Variants in CAST observed in about 807,000 individuals in gnomAD.
CAST encodes MIR583 host.
Under a neutral mutation model 119.6 loss-of-function variants are expected in CAST, and 76 were observed. That is an observed-to-expected ratio of 0.64 (90% CI 0.53 to 0.77). The LOEUF (loss-of-function observed/expected upper bound fraction) is 0.77, where lower values mean the gene tolerates loss of function less well. Ranked by LOEUF, CAST falls within the 30% of genes least tolerant of loss-of-function variation. The pLI, the probability that CAST is intolerant of heterozygous loss-of-function variation, is 0.00. For missense variants in CAST, 953 were observed against 946.5 expected, an observed-to-expected ratio of 1.01 and a Z score of -0.09; for synonymous variants, 319 against 331.6, an observed-to-expected ratio of 0.96 and a Z score of 0.41.
chr5:95,987,878 G>T, the CAST span, among the ~76,000 whole-genome samples: 1 of 152,176 alleles, frequency 6.6e-6, no homozygotes, highest in Non-Finnish European at 1.5e-5. Context: ...CACATTTAAA[G>T]TGCTCAGCAG....
At chr5:96,499,029 G>GAAAAAAAA in the CAST span, among the ~76,000 whole-genome samples, 1 of 109,736 alleles carries the variant, frequency 9.1e-6, no homozygotes, top group Non-Finnish European at 2.0e-5. Flanking sequence ...CATTGTGCAG[G>GAAAAAAAA]AAAAAAAAAA....
chr5:96,341,164 T>A, the CAST span, among the ~76,000 whole-genome samples: 2 of 152,220 alleles, frequency 1.3e-5, no homozygotes, highest in Non-Finnish European at 2.9e-5. Flanking sequence ...AGGAATTATT[T>A]GCACTTTAAT....
At chr5:96,700,470 A>G (rs1753745221) in intron 3 of CAST, among the ~76,000 whole-genome samples, 1 of 152,206 alleles carries the variant, frequency 6.6e-6, no homozygotes, top group African/African-American at 2.4e-5. Context: ...AATGTACATA[A>G]TGAGTCAGTG....
At chr5:96,559,603 G>A (rs532601117) in intron 1 of CAST, among the ~76,000 whole-genome samples, 103 of 152,186 alleles carry the variant, frequency 6.8e-4, no homozygotes, top group African/African-American at 2.3e-3. Context: ...TCCCATTCAC[G>A]ATTGCTTCAA....
chr5:96,566,280 T>C (rs931941165), intron 1 of CAST, among the ~76,000 whole-genome samples: 1 of 152,224 alleles, frequency 6.6e-6, no homozygotes, highest in South Asian at 2.1e-4. Context: ...TTGGAATTTG[T>C]CTGAATCATA....
At chr5:96,379,687 T>A in the CAST span, 1 of 152,206 alleles carries the variant, frequency 6.6e-6, no homozygotes, top group Non-Finnish European at 1.5e-5. Context: ...GCATCGAAGT[T>A]ATTTTAAAAT....
the CAST span, among the ~76,000 whole-genome samples, chr5:96,321,800 T>A: frequency 9.2e-5 from 14 of 152,226 alleles, no homozygotes; most frequent in Non-Finnish European, 1.9e-4. Flanking sequence ...CATACAGATG[T>A]CCTGGTGAGT....
the CAST span, among the ~76,000 whole-genome samples, chr5:96,289,560 C>T: frequency 3.8e-3 from 584 of 152,268 alleles, 1 homozygote; most frequent in Non-Finnish European, 6.4e-3. Context: ...ATGTAAGATG[C>T]GACTTGCTCC....
At chr5:96,463,819 A>ATCTT in the CAST span, among the ~76,000 whole-genome samples, 2 of 151,826 alleles carry the variant, frequency 1.3e-5, no homozygotes, top group African/African-American at 4.8e-5. Flanking sequence ...CTTCCCCTTT[A>ATCTT]TCTTTCTTTC....
intron 1 of CAST, among the ~76,000 whole-genome samples, chr5:96,589,449 G>A (rs1746926162): frequency 6.6e-6 from 1 of 152,002 alleles, no homozygotes; most frequent in Admixed American, 6.6e-5. Context: ...TTTTCAAAAT[G>A]TTTTGAATCT....
At chr5:96,650,173 T>C (rs1156774330) in intron 1 of CAST, among the ~76,000 whole-genome samples, 1 of 152,194 alleles carries the variant, frequency 6.6e-6, no homozygotes, top group Non-Finnish European at 1.5e-5. Context: ...TGGACTCCCT[T>C]GTAATTAAAC....
chr5:96,696,015 T>A, intron 3 of CAST, 108 bp downstream of exon 3: 1 of 562,276 alleles, frequency 1.8e-6, no homozygotes, highest in East Asian at 3.0e-5. Flanking sequence ...TCACTGAAGG[T>A]TTTTTAACAA....
chr5:96,340,952 A>G, the CAST span, among the ~76,000 whole-genome samples: 1 of 152,186 alleles, frequency 6.6e-6, no homozygotes, highest in Non-Finnish European at 1.5e-5. Flanking sequence ...AAAATCTACC[A>G]TTGCTATGTT....
chr5:96,399,470 G>T, the CAST span, among the ~76,000 whole-genome samples: 4 of 152,122 alleles, frequency 2.6e-5, no homozygotes, highest in African/African-American at 9.7e-5. Context: ...TGGTGTGCTA[G>T]AGGGAGTCTA....
At chr5:96,610,468 T>C (rs894729933) in intron 1 of CAST, among the ~76,000 whole-genome samples, 4 of 152,304 alleles carry the variant, frequency 2.6e-5, no homozygotes, top group Middle Eastern at 3.4e-3. Flanking sequence ...AAATCCAACA[T>C]CTTTTCATGA....
chr5:96,630,141 T>C (rs1747796998), intron 1 of CAST, among the ~76,000 whole-genome samples: 1 of 152,244 alleles, frequency 6.6e-6, no homozygotes. Context: ...AACAATCATG[T>C]TCTCTGTCTT....
At chr5:96,728,567 C>T (rs11744642) in intron 6 of CAST, 14,291 of 151,962 alleles carry the variant, frequency 0.094, 876 homozygotes, top group Middle Eastern at 0.16. Context: ...AGCTCCGCCT[C>T]CCGGGTTCAC....
chr5:96,123,323 C>T, the CAST span, among the ~76,000 whole-genome samples: 2 of 152,122 alleles, frequency 1.3e-5, no homozygotes, highest in Non-Finnish European at 2.9e-5. Flanking sequence ...CATTTTTCAT[C>T]ATTATTTACT....
At chr5:96,533,606 C>CG (rs1745731384) in intron 1 of CAST, among the ~76,000 whole-genome samples, 1 of 152,146 alleles carries the variant, frequency 6.6e-6, no homozygotes, top group Non-Finnish European at 1.5e-5. Context: ...TAGCAAACCA[C>CG]GGCATGGTGG....
Sources: gnomAD v4.1 joint callset for allele counts (sites outside exome capture counted in the v4.1 genomes callset) on GRCh38, gnomAD v4.1.1 for gene constraint, MANE v1.5 for transcripts, NCBI Gene and HGNC (gene_info 2026-07-23, HGNC 2026-07-21) for gene names.